CASP4: variants seen among roughly 807,000 people sequenced by gnomAD.
The protein encoded by CASP4 is caspase-4.
CASP4 carries 29 observed loss-of-function variants against 41.3 expected under a neutral mutation model. The observed-to-expected ratio is 0.70, with a 90% CI of 0.52 to 0.96. The LOEUF (loss-of-function observed/expected upper bound fraction) is 0.96, where lower values mean the gene tolerates loss of function less well. CASP4 is among the 40% of genes least tolerant of loss of function. CASP4 has a pLI of 0.00. For missense variants in CASP4, 447 were observed against 460.6 expected (o/e 0.97, Z 0.27); for synonymous variants, 185 against 158.4 (o/e 1.17, Z -1.26).
At chr11:104,958,642 A>C (rs899944539) in intron 1 of CASP4, among the ~76,000 whole-genome samples, 4 of 152,026 alleles carry the variant, frequency 2.6e-5, no homozygotes, top group African/African-American at 9.7e-5. Context: ...TGTAGAAAAA[A>C]AGAAACTCTT....
At chr11:104,964,250 A>G (rs949080773) in intron 1 of CASP4, among the ~76,000 whole-genome samples, 1 of 152,214 alleles carries the variant, frequency 6.6e-6, no homozygotes, top group Admixed American at 6.5e-5. Context: ...AGATAACTTT[A>G]AAAATTGTGC....
At position 104,942,889 on chromosome 11, in the gene CASP4, A is replaced by G. The variant is rs1860358981; in HGVS notation, c.*90T>C. 1 of 456,022 alleles carries G rather than the reference A, an allele frequency of 2.2e-6. No homozygotes were observed. 28.2% of individuals were successfully genotyped at this position (456,022 alleles called of 1,614,324 possible). ...AGTTCGTTTGTCTTCACTTTTATTG[A>G]AATACAAAATGTTAAATATGCAAGC... On this transcript the variant is annotated 3_prime_UTR_variant, in exon 9 of 9. Coordinates refer to ENST00000444739, the MANE Select transcript of CASP4 (RefSeq NM_001225.4).
chr11:104,946,528 A>C (rs751856851), intron 7 of CASP4: 6 of 152,234 alleles, frequency 3.9e-5, no homozygotes, highest in Non-Finnish European at 8.8e-5. Context: ...GAATGTCCCA[A>C]GTTGGGCAAG....
intron 5 of CASP4, 162 bp downstream of exon 5, chr11:104,949,381 A>G: frequency 1.4e-6 from 1 of 730,826 alleles, no homozygotes; most frequent in South Asian, 2.0e-5. Flanking sequence ...TGATGAGACA[A>G]TTTCTTGTTA....
chr11:104,966,318 T>C (rs1457253016), intron 1 of CASP4, among the ~76,000 whole-genome samples: 1 of 149,800 alleles, frequency 6.7e-6, no homozygotes, highest in Non-Finnish European at 1.5e-5. Context: ...CCCCTATCCA[T>C]TCAGGTATAT....
intron 2 of CASP4, among the ~76,000 whole-genome samples, chr11:104,952,487 C>T (rs1860639952): frequency 1.3e-5 from 2 of 152,086 alleles, no homozygotes; most frequent in East Asian, 1.9e-4. Context: ...ATTCTAATAA[C>T]ATTTATTTAA....
At chr11:104,968,113 G>A (rs1458262506) in intron 1 of CASP4, among the ~76,000 whole-genome samples, 1 of 152,010 alleles carries the variant, frequency 6.6e-6, no homozygotes, top group South Asian at 2.1e-4. Context: ...AAGAGATGTC[G>A]AAGAAGATAA....
intron 1 of CASP4, among the ~76,000 whole-genome samples, chr11:104,958,960 CAAAAAAAAAAAAAAA>C (rs56678254): frequency 1.6e-5 from 1 of 62,466 alleles, no homozygotes; most frequent in Non-Finnish European, 2.9e-5. Context: ...GACTCTGTCT[CAAAAAAAAAAAAAAA>C]AAAAAAAAAA....
intron 4 of CASP4, among the ~76,000 whole-genome samples, chr11:104,950,519 T>C (rs1273896347): frequency 6.6e-6 from 1 of 152,146 alleles, no homozygotes; most frequent in East Asian, 1.9e-4. Flanking sequence ...GGCTGGGAAC[T>C]TCCTGTCTCA....
chr11:104,968,045 A>G (rs1471738402), intron 1 of CASP4, among the ~76,000 whole-genome samples: 1 of 152,210 alleles, frequency 6.6e-6, no homozygotes, highest in East Asian at 1.9e-4. Flanking sequence ...TATCAGGACC[A>G]ACGAGAAAGA....
rs1860413670 is a variant in CASP4, at chr11:104,944,773, A to G, written c.1114T>C (p.Tyr372His). 2 of 1,610,664 alleles carry G rather than the reference A, an allele frequency of 1.2e-6. No individual in the cohort carries two copies. Among genetic ancestry groups the G allele is most frequent in the Middle Eastern group, 1.6e-4 (1 of 6,076 alleles). Residue 372 changes from tyrosine to histidine, a missense_variant, in exon 8 of 9, where the codon TAC (tyrosine) becomes CAC (histidine). Physicochemically the swap from Tyr to His is moderately conservative, Grantham distance 83 (BLOSUM62 2). Coordinates refer to ENST00000444739, the MANE Select transcript of CASP4 (RefSeq NM_001225.4). ...CATTTTCAATTGCCAGGAAAGAGGT[A>G]GAAATATCTTGTCATGGACAGTCGT... ...IERLSMTRYF[Y>H]LFPGN
intron 8 of CASP4, 53 bp downstream of exon 8, chr11:104,944,695 A>G (rs942761764): frequency 8.7e-6 from 10 of 1,143,170 alleles, no homozygotes; most frequent in Admixed American, 1.7e-5. Flanking sequence ...CTTAACCACC[A>G]ATATCACTCT....
chr11:104,956,783 G>C, intron 1 of CASP4: 4 of 209,516 alleles, frequency 1.9e-5, no homozygotes, highest in Non-Finnish European at 3.3e-5. Flanking sequence ...ACACAGATTA[G>C]TGTGTGGGAT....
At chr11:104,961,313 A>T (rs141301683) in intron 1 of CASP4, among the ~76,000 whole-genome samples, 2 of 152,274 alleles carry the variant, frequency 1.3e-5, no homozygotes, top group Non-Finnish European at 2.9e-5. Flanking sequence ...GGGTGTCTGG[A>T]TTGGTGAGTA....
At chr11:104,945,041 T>C (rs509982) in intron 7 of CASP4, among the ~76,000 whole-genome samples, 190 bp from the exon 8 acceptor site, 145,534 of 152,214 alleles carry the variant, frequency 0.96, 69,899 homozygotes, top group East Asian at 1. Context: ...TCAGACTGTA[T>C]GCTTTACATC....
At chr11:104,946,713 C>A (rs1162773410) in intron 7 of CASP4, 2 of 163,564 alleles carry the variant, frequency 1.2e-5, no homozygotes, top group Admixed American at 1.2e-4. Context: ...AGGATTACGT[C>A]ATGTAGGCCT....
intron 4 of CASP4, 86 bp from the exon 5 acceptor site, chr11:104,949,863 CAT>C (rs775621861): frequency 2.9e-4 from 358 of 1,238,848 alleles, no homozygotes; most frequent in Non-Finnish European, 3.9e-4. Flanking sequence ...AAACAAGAAA[CAT>C]ATGTAACATC....
At chr11:104,954,058 G>A (rs574066421) in intron 2 of CASP4, among the ~76,000 whole-genome samples, 1 of 152,216 alleles carries the variant, frequency 6.6e-6, no homozygotes, top group East Asian at 1.9e-4. Flanking sequence ...ACTGATTACT[G>A]TTATTAATTG....
chr11:104,954,810 T>TA lies in CASP4; in HGVS notation c.198dup (p.Met67TyrfsTer12). 6.2e-7 allele frequency: 1 copy of TA among 1,613,696 alleles called. No homozygotes were observed. The highest frequency in any genetic ancestry group is 1.1e-5 in the South Asian group (1 of 91,080). ...GTTTGAAGAAGCATTTGTCCTGCCA[T>TA]ACGTTGCTTCTCTTGCATAGAGTCT... On this transcript the variant is annotated frameshift_variant, in exon 2 of 9. Transcript: ENST00000444739. LOFTEE classifies it high-confidence loss of function.
Sources: gnomAD v4.1 joint callset for allele counts (sites outside exome capture counted in the v4.1 genomes callset) on GRCh38, gnomAD v4.1.1 for gene constraint, MANE v1.5 for transcripts, NCBI Gene and HGNC (gene_info 2026-07-23, HGNC 2026-07-21) for gene names.